The following ZFHX3 variants were observed in gnomAD, a reference collection of about 807,000 sequenced individuals.
ZFHX3 encodes the protein zinc finger homeobox 3.
ZFHX3 carries 42 observed loss-of-function variants against 279.1 expected under a neutral mutation model. The ratio of observed to expected loss-of-function variants is 0.15; its 90% confidence interval spans 0.12 to 0.19. The LOEUF is 0.19. Ranked by LOEUF, ZFHX3 falls within the 10% of genes least tolerant of loss-of-function variation. The probability of loss-of-function intolerance (pLI) is 1.00; values close to 1 mark genes in which losing one functional copy is unlikely to be tolerated. For synonymous variants in ZFHX3, 2,293 were observed against 1,957.8 expected (o/e 1.17, Z -4.52); for missense variants, 4,981 against 4,754.0 (o/e 1.05, Z -1.40).
chr16:73,462,918 TAAC>T (rs1344187405), intron 2 of ZFHX3, among the ~76,000 whole-genome samples: 1 of 152,214 alleles, frequency 6.6e-6, no homozygotes, highest in African/African-American at 2.4e-5. Context: ...AATATAGTGT[TAAC>T]AACATAAAAT....
intron 1 of ZFHX3, among the ~76,000 whole-genome samples, chr16:73,036,889 G>T (rs1319135468): frequency 1.3e-5 from 2 of 152,160 alleles, no homozygotes; most frequent in Non-Finnish European, 2.9e-5. Context: ...AGAGTCTGAG[G>T]GAAGTCAGAC....
At chr16:73,661,808 G>A (rs2052787768) in intron 2 of ZFHX3, among the ~76,000 whole-genome samples, 1 of 151,304 alleles carries the variant, frequency 6.6e-6, no homozygotes, top group Non-Finnish European at 1.5e-5. Context: ...TTTAACTTGA[G>A]CCAGATGGAG....
intron 2 of ZFHX3, among the ~76,000 whole-genome samples, chr16:73,514,155 G>C (rs1014411176): frequency 6.6e-6 from 1 of 152,054 alleles, no homozygotes; most frequent in East Asian, 1.9e-4. Flanking sequence ...GGCTGAGGCA[G>C]AAGAATCCCT....
intron 1 of ZFHX3, among the ~76,000 whole-genome samples, chr16:73,682,517 G>A (rs2053021194): frequency 6.6e-6 from 1 of 152,014 alleles, no homozygotes. Context: ...CGGGTGCGGT[G>A]GCTCACGCCT....
At chr16:73,414,455 T>C (rs978833420) in intron 3 of ZFHX3, among the ~76,000 whole-genome samples, 2 of 152,234 alleles carry the variant, frequency 1.3e-5, no homozygotes, top group Admixed American at 6.5e-5. Flanking sequence ...GTGGGACAAA[T>C]TGGCCACTCG....
At chr16:72,807,184 T>C (rs1446974007) in intron 7 of ZFHX3, 1 of 152,210 alleles carries the variant, frequency 6.6e-6, no homozygotes, top group Non-Finnish European at 1.5e-5. Context: ...CAAGCTTCTT[T>C]GTAAATAGGT....
At chr16:73,712,833 C>A (rs1028118376) in intron 1 of ZFHX3, among the ~76,000 whole-genome samples, 1 of 152,214 alleles carries the variant, frequency 6.6e-6, no homozygotes, top group Non-Finnish European at 1.5e-5. Context: ...ATAAAGGACA[C>A]CCCAGTTTGT....
chr16:73,196,523 G>C (rs1012617799), intron 5 of ZFHX3, among the ~76,000 whole-genome samples: 3 of 151,730 alleles, frequency 2.0e-5, no homozygotes, highest in African/African-American at 7.3e-5. Context: ...GAGAAACAAA[G>C]GACAAGGGAA....
chr16:72,862,560 A>G (rs1306591811), intron 4 of ZFHX3, among the ~76,000 whole-genome samples: 1 of 152,236 alleles, frequency 6.6e-6, no homozygotes, highest in South Asian at 2.1e-4. Context: ...AATGATCATC[A>G]ATGGCTAATA....
intron 2 of ZFHX3, among the ~76,000 whole-genome samples, chr16:73,655,202 T>C (rs952461977): frequency 1.3e-5 from 2 of 152,332 alleles, no homozygotes; most frequent in East Asian, 3.9e-4. Context: ...GATTTCCTCA[T>C]TTCGCATCTT....
At chr16:73,578,811 ACT>A (rs1481834458) in intron 2 of ZFHX3, among the ~76,000 whole-genome samples, 1 of 151,946 alleles carries the variant, frequency 6.6e-6, no homozygotes, top group Non-Finnish European at 1.5e-5. Flanking sequence ...AGATTCAATA[ACT>A]CTCTAGATTT....
chr16:73,885,659 A>G (rs2030322796), intron 1 of ZFHX3, among the ~76,000 whole-genome samples: 1 of 152,238 alleles, frequency 6.6e-6, no homozygotes. Context: ...CTGAATAATA[A>G]TAAAAGCATT....
At chr16:73,677,110 C>T (rs542907400) in intron 2 of ZFHX3, among the ~76,000 whole-genome samples, 14 of 151,992 alleles carry the variant, frequency 9.2e-5, no homozygotes, top group Non-Finnish European at 1.8e-4. Context: ...TTTCCAGTGA[C>T]CATGGATTCT....
rs1567497142 is a variant in ZFHX3 at position 73,481,613 on chromosome 16, GTT to G, written c.-1546-25357_-1546-25356del. Among the ~76,000 whole-genome samples the G allele has an allele frequency of 2.1e-5, 3 of 144,708 alleles. No individual in the cohort carries two copies. In the East Asian group the frequency reaches 6.5e-4, roughly 31 times the overall value. 94.9% of individuals were successfully genotyped at this position (144,708 alleles called of 152,430 possible). ...GCCATGCCTGGTTAATGTGCGTGGT[GTT>G]GTTTTTTTGTTGTTGTTTGTTTGTT... On this transcript the variant is annotated intron_variant, in intron 2 of 17. Transcript: ENST00000641206.
At chr16:73,024,793 G>T (rs1037098230) in intron 1 of ZFHX3, among the ~76,000 whole-genome samples, 16 of 152,300 alleles carry the variant, frequency 1.1e-4, no homozygotes, top group African/African-American at 3.6e-4. Flanking sequence ...CAGACACTTT[G>T]CAGAGAGACT....
At position 73,131,979 on chromosome 16, in the gene ZFHX3, C is replaced by T. The variant is rs562158069; in HGVS notation, c.-1023-885G>A. 2.6e-5 allele frequency among the ~76,000 whole-genome samples: 4 copies of T among 152,202 alleles called. No individual in the cohort carries two copies. In the South Asian group the frequency reaches 8.3e-4, roughly 32 times the overall value. On this transcript the variant is annotated intron_variant, in intron 6 of 17. Coordinates refer to the ZFHX3 transcript ENST00000641206. ...CTAGGTATTATTATTGGCTTGATGC[C>T]TCCCTGTGATGCAAGAGGGATGAGG...
chr16:73,670,636 A>T (rs2052895471), intron 2 of ZFHX3, among the ~76,000 whole-genome samples: 1 of 152,202 alleles, frequency 6.6e-6, no homozygotes, highest in South Asian at 2.1e-4. Flanking sequence ...AATAGGGAAA[A>T]CGTAATGAAA....
intron 1 of ZFHX3, among the ~76,000 whole-genome samples, chr16:72,970,628 C>T (rs1051914401): frequency 6.6e-6 from 1 of 152,230 alleles, no homozygotes; most frequent in Admixed American, 6.5e-5. Flanking sequence ...GCTCACAACC[C>T]CAACCTTCAC....
chr16:73,062,551 G>T (rs1055551570), upstream of ZFHX3, among the ~76,000 whole-genome samples: 1 of 152,212 alleles, frequency 6.6e-6, no homozygotes, highest in Non-Finnish European at 1.5e-5. Flanking sequence ...GCAATTATCA[G>T]AATATGGGGT....
Sources: allele counts gnomAD v4.1 joint callset (sites outside exome capture counted in the v4.1 genomes callset), GRCh38; gene constraint gnomAD v4.1.1; transcripts MANE v1.5; gene names NCBI Gene and HGNC (gene_info 2026-07-23, HGNC 2026-07-21).